The following RGS6 variants were observed in gnomAD, a reference collection of about 807,000 sequenced individuals.
RGS6 encodes regulator of G protein signaling 6.
Under a neutral mutation model 78.5 loss-of-function variants are expected in RGS6, and 30 were observed. The observed-to-expected ratio is 0.38, with a 90% CI of 0.29 to 0.52. The LOEUF (loss-of-function observed/expected upper bound fraction) is 0.52. Among genes scored for constraint, RGS6 ranks in the 20% least tolerant of loss-of-function variants. RGS6 has a pLI of 0.85. For missense variants in RGS6, 495 were observed against 609.7 expected (o/e 0.81, Z 1.98); for synonymous variants, 206 against 206.0 (o/e 1.00, Z 0.00).
At chr14:71,977,800 A>T (rs1347835180) in intron 2 of RGS6, among the ~76,000 whole-genome samples, 1 of 152,020 alleles carries the variant, frequency 6.6e-6, no homozygotes. Flanking sequence ...TTCTGTGAAG[A>T]AAGGCATTGG....
chr14:72,310,620 T>C (rs1171306819), intron 2 of RGS6, among the ~76,000 whole-genome samples: 1 of 152,236 alleles, frequency 6.6e-6, no homozygotes, highest in Non-Finnish European at 1.5e-5. Context: ...GTGGCTAATA[T>C]GCATGGAGTG....
At chr14:72,466,516 C>G (rs775276386) in intron 7 of RGS6, among the ~76,000 whole-genome samples, 1 of 152,198 alleles carries the variant, frequency 6.6e-6, no homozygotes, top group Non-Finnish European at 1.5e-5. Context: ...GTTAAACTAA[C>G]TGTGGTACAT....
chr14:72,240,776 G>A (rs2052566577), intron 2 of RGS6, among the ~76,000 whole-genome samples: 1 of 152,156 alleles, frequency 6.6e-6, no homozygotes, highest in Non-Finnish European at 1.5e-5. Flanking sequence ...GTTTGCAGCA[G>A]AAATTTCTGT....
rs56171281 is a variant in RGS6 at position 72,269,567 on chromosome 14, A to ATTTTTTTTTTTTT, written c.85-82513_85-82501dup. ...GTTTTTACAGTGAAACCTATCTTAA[A>ATTTTTTTTTTTTT]TTTTTTTTTTTTTTTTTTTTTTTTT... On this transcript the variant is annotated intron_variant, in intron 2 of 17. Coordinates refer to ENST00000553525, the MANE Select transcript of RGS6 (RefSeq NM_001204424.2). 3.3e-5 allele frequency among the ~76,000 whole-genome samples: 4 copies of ATTTTTTTTTTTTT among 120,334 alleles called. 2 individuals carry two copies. The highest frequency in any genetic ancestry group is 3.4e-5 in the Non-Finnish European group (2 of 59,348). 78.9% of individuals were successfully genotyped at this position (120,334 alleles called of 152,430 possible).
At chr14:72,267,946 C>T (rs183551691) in intron 2 of RGS6, among the ~76,000 whole-genome samples, 3 of 152,330 alleles carry the variant, frequency 2.0e-5, no homozygotes, top group Admixed American at 1.3e-4. Flanking sequence ...ATGACACATA[C>T]CTATTAACAC....
intron 3 of RGS6, among the ~76,000 whole-genome samples, chr14:72,424,798 G>A (rs1264252119): frequency 6.6e-6 from 1 of 152,002 alleles, no homozygotes; most frequent in African/African-American, 2.4e-5. Context: ...TCTGAGTTCT[G>A]GGGGGGCAAT....
At chr14:72,294,597 G>T (rs1185645031) in intron 2 of RGS6, among the ~76,000 whole-genome samples, 2 of 152,192 alleles carry the variant, frequency 1.3e-5, no homozygotes, top group Non-Finnish European at 2.9e-5. Flanking sequence ...TGGAGGCTGT[G>T]CAGGAAGCAT....
chr14:72,556,928 TA>T (rs1041810952), intron 17 of RGS6, among the ~76,000 whole-genome samples: 14 of 152,280 alleles, frequency 9.2e-5, no homozygotes, highest in East Asian at 5.8e-4. Context: ...AGGGGTCAAA[TA>T]AAAAAATATT....
At chr14:71,980,436 A>C (rs1315404767) in intron 2 of RGS6, among the ~76,000 whole-genome samples, 1 of 147,000 alleles carries the variant, frequency 6.8e-6, no homozygotes, top group Non-Finnish European at 1.5e-5. Context: ...TTCCTTCAGG[A>C]GCTCTTTTAG....
chr14:72,335,434 C>A (rs948230769), intron 2 of RGS6, among the ~76,000 whole-genome samples: 1 of 152,098 alleles, frequency 6.6e-6, no homozygotes, highest in South Asian at 2.1e-4. Flanking sequence ...AATAGACTAC[C>A]AAGTCCCCTT....
chr14:71,920,786 T>C, the RGS6 span, among the ~76,000 whole-genome samples: 5 of 152,172 alleles, frequency 3.3e-5, no homozygotes, highest in Non-Finnish European at 7.4e-5. Flanking sequence ...GTTAAATACA[T>C]CGGTTTCTGG....
intron 2 of RGS6, among the ~76,000 whole-genome samples, chr14:72,351,520 C>T (rs1335069401): frequency 6.6e-6 from 1 of 152,182 alleles, no homozygotes; most frequent in Non-Finnish European, 1.5e-5. Context: ...TACCACCACT[C>T]ATGACCACTG....
chr14:71,952,876 A>G (rs904093153), intron 1 of RGS6, among the ~76,000 whole-genome samples: 5 of 152,222 alleles, frequency 3.3e-5, no homozygotes, highest in Non-Finnish European at 1.5e-5. Flanking sequence ...TCTTTAAAAA[A>G]GAAAAAGCCA....
At chr14:72,427,501 C>A (rs1387047234) in intron 3 of RGS6, among the ~76,000 whole-genome samples, 2 of 152,176 alleles carry the variant, frequency 1.3e-5, no homozygotes, top group African/African-American at 4.8e-5. Flanking sequence ...GTGAGCCGAC[C>A]AACCTCTGCC....
chr14:71,978,433 T>C (rs1346127427), intron 2 of RGS6, among the ~76,000 whole-genome samples: 1 of 55,634 alleles, frequency 1.8e-5, no homozygotes, highest in East Asian at 5.9e-4. Context: ...TTGAAATACG[T>C]CCCATCAATA....
At chr14:71,889,781 A>T in the RGS6 span, among the ~76,000 whole-genome samples, 12 of 152,082 alleles carry the variant, frequency 7.9e-5, no homozygotes, top group Non-Finnish European at 1.8e-4. Context: ...GTGGGAGGTG[A>T]CTGGATCTTG....
At position 71,976,584 on chromosome 14, in the gene RGS6, C is replaced by T. The variant is rs532009772; in HGVS notation, c.84+11709C>T. Among the ~76,000 whole-genome samples the T allele has an allele frequency of 4.8e-3, 732 of 152,234 alleles. 5 individuals carry two copies. The highest frequency in any genetic ancestry group is 0.017 in the African/African-American group (703 of 41,530). The stretch of plus-strand genomic sequence containing the variant: ...GTTTCATCCATGTCCCTACAAAGGA[C>T]GTGAACTCATTCTTTTTTATGGCTG... On this transcript the variant is annotated intron_variant, in intron 2 of 17. Coordinates refer to ENST00000553525, the MANE Select transcript of RGS6 (RefSeq NM_001204424.2).
chr14:72,008,167 C>T (rs2084942276), intron 2 of RGS6, among the ~76,000 whole-genome samples: 1 of 152,164 alleles, frequency 6.6e-6, no homozygotes, highest in Admixed American at 6.5e-5. Flanking sequence ...TCCCATTTTC[C>T]CCTTTGTGAG....
chr14:71,900,057 G>T, the RGS6 span, among the ~76,000 whole-genome samples: 1 of 152,144 alleles, frequency 6.6e-6, no homozygotes, highest in African/African-American at 2.4e-5. Flanking sequence ...CCTTTCTTTT[G>T]AGGACATCTT....
Sources: allele counts gnomAD v4.1 joint callset (sites outside exome capture counted in the v4.1 genomes callset), GRCh38; gene constraint gnomAD v4.1.1; transcripts MANE v1.5; gene names NCBI Gene and HGNC (gene_info 2026-07-23, HGNC 2026-07-21).